TRANK1: variants seen among roughly 807,000 people sequenced by gnomAD.
TRANK1 encodes tetratricopeptide repeat and ankyrin repeat containing 1.
Under a neutral mutation model 266.0 loss-of-function variants are expected in TRANK1, and 198 were observed. That is an observed-to-expected ratio of 0.74 (90% CI 0.66 to 0.84). The LOEUF is 0.84. TRANK1 is among the 40% of genes least tolerant of loss of function. The pLI is 0.00. For synonymous variants in TRANK1, 1,396 were observed against 1,384.1 expected, an observed-to-expected ratio of 1.01 and a Z score of -0.19; for missense variants, 3,326 against 3,634.6, an observed-to-expected ratio of 0.92 and a Z score of 2.18.
intron 9 of TRANK1, among the ~76,000 whole-genome samples, chr3:36,865,933 G>GA (rs1575225371): frequency 2.4e-5 from 3 of 126,344 alleles, no homozygotes; most frequent in South Asian, 2.7e-4. Context: ...TGTCTCAAAA[G>GA]AAAAAAAAGA....
chr3:36,905,861 G>A (rs973306124), intron 2 of TRANK1, among the ~76,000 whole-genome samples: 8 of 152,166 alleles, frequency 5.3e-5, no homozygotes, highest in Non-Finnish European at 1.0e-4. Context: ...CAAGTACGCT[G>A]TAAATCACAT....
chr3:36,861,309 A>T, intron 10 of TRANK1, 149 bp from the exon 11 acceptor site: 3 of 967,852 alleles, frequency 3.1e-6, no homozygotes, highest in Non-Finnish European at 4.5e-6. Flanking sequence ...ACCACTCATG[A>T]ACATCAGTGT....
intron 8 of TRANK1, among the ~76,000 whole-genome samples, chr3:36,877,313 C>T (rs1172447562): frequency 6.6e-6 from 1 of 152,060 alleles, no homozygotes; most frequent in Non-Finnish European, 1.5e-5. Flanking sequence ...TTCCTTGCTG[C>T]CTAATGGACA....
intron 1 of TRANK1, among the ~76,000 whole-genome samples, chr3:36,934,470 A>T (rs191066807): frequency 1.1e-3 from 168 of 152,192 alleles, no homozygotes; most frequent in African/African-American, 4.0e-3. Flanking sequence ...TTTTTCTCTC[A>T]TTCATTAAAA....
chr3:36,839,774 A>T (rs2078818909), intron 18 of TRANK1, among the ~76,000 whole-genome samples: 1 of 152,188 alleles, frequency 6.6e-6, no homozygotes, highest in Non-Finnish European at 1.5e-5. Context: ...TTTGCTTACC[A>T]TCAGATTCCT....
At chr3:36,849,813 G>A (rs915761921) in intron 15 of TRANK1, among the ~76,000 whole-genome samples, 5 of 152,192 alleles carry the variant, frequency 3.3e-5, no homozygotes, top group African/African-American at 1.2e-4. Context: ...TGTGCTTTGG[G>A]CCAGGGAATG....
At chr3:36,853,792 C>A (rs2079014811) in intron 13 of TRANK1, among the ~76,000 whole-genome samples, 1 of 152,204 alleles carries the variant, frequency 6.6e-6, no homozygotes, top group Non-Finnish European at 1.5e-5. Context: ...TGATTACACT[C>A]ATATGAAATG....
chr3:36,908,895 C>T (rs1471487864), intron 1 of TRANK1, among the ~76,000 whole-genome samples: 3 of 152,228 alleles, frequency 2.0e-5, no homozygotes, highest in East Asian at 3.8e-4. Context: ...CTGCTGATGG[C>T]ATTTCCCATT....
intron 8 of TRANK1, among the ~76,000 whole-genome samples, chr3:36,879,477 T>C (rs2079441232): frequency 6.7e-6 from 1 of 149,226 alleles, no homozygotes; most frequent in African/African-American, 2.5e-5. Flanking sequence ...TCAAACTTGA[T>C]TTTCATTAGA....
chr3:36,881,519 A>G (rs1245973571), intron 8 of TRANK1, among the ~76,000 whole-genome samples: 1 of 152,014 alleles, frequency 6.6e-6, no homozygotes, highest in African/African-American at 2.4e-5. Context: ...ATGCTGAGGC[A>G]GGAGAATCGC....
In TRANK1 at chr3:36,870,668, T is replaced by C. The variant is rs185914772; in HGVS notation, c.1078+3458A>G. On this transcript the variant is annotated intron_variant, in intron 9 of 23. Transcript: ENST00000645898. ...GTTTACCATTGAGTACGGAAGGCTT[T>C]AGGCTTGACTGCATCCACTACCATC... Among the ~76,000 whole-genome samples, 8 of 152,336 alleles carry C rather than the reference T, an allele frequency of 5.3e-5. No individual in the cohort carries two copies. In the East Asian group the frequency reaches 1.3e-3, roughly 26 times the overall value.
chr3:36,850,499 T>C (rs544646478), intron 15 of TRANK1: 1 of 985,356 alleles, frequency 1.0e-6, no homozygotes, highest in Non-Finnish European at 1.2e-6. Context: ...CAGATAAAGG[T>C]GGCTCATGCT....
In TRANK1 at chr3:36,834,854, G is replaced by GA. The variant is rs1194857627; in HGVS notation, c.5570dup (p.Arg1858GlnfsTer4). The GA allele has an allele frequency of 6.2e-7, 1 of 1,613,646 alleles. No homozygotes were observed. Among genetic ancestry groups the GA allele is most frequent in the Non-Finnish European group, 8.5e-7 (1 of 1,179,786 alleles). ...ATTCCTGAATCTGCTCAAAGCATCT[G>GA]AAAGCGTCTTTGTAGCACTGGCTTC... On this transcript the variant is annotated frameshift_variant, in exon 21 of 24. Transcript: ENST00000645898. LOFTEE classifies it high-confidence loss of function.
At position 36,855,803 on chromosome 3, in the gene TRANK1, C is replaced by A. The variant is rs1331714834; in HGVS notation, c.3919G>T (p.Ala1307Ser). 5.0e-6 allele frequency: 8 copies of A among 1,613,628 alleles called. No homozygotes were observed. Among genetic ancestry groups the A allele is most frequent in the Admixed American group, 1.7e-5 (1 of 59,970 alleles). ...VDGDYSEEDK[A>S]VEMRTGDSDP... ...CTGTCACCCGTACGCATTTCTACAGCTTTATCCTCCTCACTGTAGTCCCCA... is the reference window on the plus strand; with the variant it reads ...CTGTCACCCGTACGCATTTCTACAGATTTATCCTCCTCACTGTAGTCCCCA... The change falls in exon 13 of 24, where the codon GCT becomes TCT. Residue 1307 changes from alanine to serine, a missense_variant. Ala to Ser is a moderately conservative substitution (Grantham distance 99, BLOSUM62 1). Transcript: ENST00000645898.
chr3:36,882,186 T>C (rs1263564239), intron 8 of TRANK1, among the ~76,000 whole-genome samples: 1 of 152,260 alleles, frequency 6.6e-6, no homozygotes, highest in East Asian at 1.9e-4. Context: ...TGCACCATTT[T>C]TCTTACCCAC....
At chr3:36,938,953 CCGT>C (rs1170983939) in intron 1 of TRANK1, among the ~76,000 whole-genome samples, 6 of 151,366 alleles carry the variant, frequency 4.0e-5, no homozygotes, top group Non-Finnish European at 5.9e-5. Context: ...GAGCGAGAAT[CCGT>C]CTCAAAAAAA....
intron 11 of TRANK1, among the ~76,000 whole-genome samples, chr3:36,859,463 C>T (rs954211564): frequency 1.3e-5 from 2 of 152,050 alleles, no homozygotes; most frequent in Non-Finnish European, 2.9e-5. Flanking sequence ...CGTGCCCTCC[C>T]TTTGTCCATG....
At chr3:36,905,855 T>A (rs1282928582) in intron 2 of TRANK1, among the ~76,000 whole-genome samples, 1 of 152,284 alleles carries the variant, frequency 6.6e-6, no homozygotes, top group South Asian at 2.1e-4. Context: ...CTCCTGCAAG[T>A]ACGCTGTAAA....
chr3:36,877,338 CTTGATG>C (rs1206274663), intron 8 of TRANK1, among the ~76,000 whole-genome samples: 1 of 152,110 alleles, frequency 6.6e-6, no homozygotes, highest in Non-Finnish European at 1.5e-5. Context: ...AGAATAGACT[CTTGATG>C]TATACATTTT....
Sources: gnomAD v4.1 joint callset for allele counts (sites outside exome capture counted in the v4.1 genomes callset) on GRCh38, gnomAD v4.1.1 for gene constraint, MANE v1.5 for transcripts, NCBI Gene and HGNC (gene_info 2026-07-23, HGNC 2026-07-21) for gene names.